Variants in ERCC6 observed in about 807,000 individuals in gnomAD.
ERCC6 encodes ERCC excision repair 6, chromatin remodeling factor, also known as DNA excision repair protein ERCC-6.
In ERCC6, 116 loss-of-function variants were observed where a neutral mutation model predicts 158.7. The observed-to-expected ratio is 0.73, with a 90% CI of 0.63 to 0.85. ERCC6 has a LOEUF of 0.85. ERCC6 is among the 40% of genes least tolerant of loss of function. The probability of loss-of-function intolerance (pLI) is 0.00; values close to 1 mark genes in which losing one functional copy is unlikely to be tolerated. For synonymous variants in ERCC6, 678 were observed against 659.3 expected (o/e 1.03, Z -0.43); for missense variants, 1,698 against 1,799.4 (o/e 0.94, Z 1.02).
chr10:49,467,292 G>A (rs952162232), intron 18 of ERCC6, among the ~76,000 whole-genome samples: 1 of 152,182 alleles, frequency 6.6e-6, no homozygotes, highest in Non-Finnish European at 1.5e-5. Context: ...GCATGCAACT[G>A]CCAAACTGTT....
At chr10:49,442,097 A>G in the ERCC6 span, among the ~76,000 whole-genome samples, 8 of 152,250 alleles carry the variant, frequency 5.3e-5, no homozygotes, top group South Asian at 1.7e-3. Flanking sequence ...TTTTAGGAAA[A>G]CCAAGCTGAA....
At chr10:49,483,283 A>G in intron 9 of ERCC6, 63 bp downstream of exon 9, 2 of 1,494,188 alleles carry the variant, frequency 1.3e-6, no homozygotes, top group South Asian at 1.1e-5. Flanking sequence ...AAAAGCAGAT[A>G]GTTTATTCTG....
Position 49,458,365 on chromosome 10 carries a change from T to C in ERCC6, c.*450A>G, listed in dbSNP as rs1850517304. 1.2e-5 allele frequency: 2 copies of C among 160,766 alleles called. No individual in the cohort carries two copies. 10.0% of individuals were successfully genotyped at this position (160,766 alleles called of 1,614,324 possible). The stretch of plus-strand genomic sequence containing the variant: ...ATGGTAAATATAAATGTTTAAAGTT[T>C]AAGCATCAAAATAATGCTGTTATCA... On this transcript the variant is annotated 3_prime_UTR_variant, in exon 21 of 21. Coordinates refer to ENST00000355832, the MANE Select transcript of ERCC6 (RefSeq NM_000124.4).
chr10:49,524,550 C>T lies in ERCC6; in HGVS notation c.880G>A (p.Ala294Thr), dbSNP rs1251327294. The T allele has an allele frequency of 6.2e-7, 1 of 1,614,210 alleles. No individual in the cohort carries two copies. The highest frequency in any genetic ancestry group is 1.7e-5 in the Admixed American group (1 of 60,020). ...ERKKQGCNKR[A>T]ARKAPAPVTP... ...ACTGGGGCTGGAGCTTTTCTAGCTG[C>T]TCTTTTATTACAACCTTGCTTCTTC... Residue 294 changes from alanine to threonine, a missense_variant, in exon 5 of 21, where the codon GCA (alanine) becomes ACA (threonine). Physicochemically the swap from Ala to Thr is moderately conservative, Grantham distance 58. Coordinates refer to ENST00000355832, the MANE Select transcript of ERCC6 (RefSeq NM_000124.4).
In ERCC6 at chr10:49,470,386, C is replaced by T; in HGVS notation, c.3574G>A (p.Glu1192Lys). The part of the protein sequence containing the change: ...KSKTKHHSVA[E>K]EETLEKHLRP... ...AGATGTTTCTCCAGGGTCTCTTCTT[C>T]TGCCACACTATGATGTTTTGTTTTT... Residue 1192 changes from glutamate (E) to lysine (K), a missense_variant, in exon 18 of 21, where the codon GAA becomes AAA. Coordinates refer to ENST00000355832, the MANE Select transcript of ERCC6 (RefSeq NM_000124.4). 6.2e-7 allele frequency: 1 copy of T among 1,614,184 alleles called. No homozygotes were observed. Among genetic ancestry groups the T allele is most frequent in the Non-Finnish European group, 8.5e-7 (1 of 1,180,028 alleles).
chr10:49,472,243 C>G, intron 16 of ERCC6, 133 bp downstream of exon 16: 2 of 862,470 alleles, frequency 2.3e-6, no homozygotes, highest in Non-Finnish European at 3.9e-6. Flanking sequence ...AAATACAAAA[C>G]AAAAACCAAA....
intron 17 of ERCC6, 25 bp downstream of exon 17, chr10:49,470,950 T>A (rs368619474): frequency 5.6e-6 from 9 of 1,613,656 alleles, no homozygotes; most frequent in Non-Finnish European, 6.8e-6. Context: ...TTGATTACTT[T>A]AAATTAAATG....
At chr10:49,460,093 G>C (rs1243769529) in intron 20 of ERCC6, 2 of 492,594 alleles carry the variant, frequency 4.1e-6, no homozygotes, top group Non-Finnish European at 7.4e-6. Flanking sequence ...AGACAAGGCA[G>C]GCTGTCCTAG....
At chr10:49,465,326 T>C (rs1458873427) in intron 18 of ERCC6, among the ~76,000 whole-genome samples, 1 of 152,226 alleles carries the variant, frequency 6.6e-6, no homozygotes, top group Non-Finnish European at 1.5e-5. Flanking sequence ...ACCCAATGCC[T>C]GTAACCCTAT....
chr10:49,462,445 G>A (rs1564726285), intron 18 of ERCC6, among the ~76,000 whole-genome samples: 1 of 152,054 alleles, frequency 6.6e-6, no homozygotes, highest in Admixed American at 6.5e-5. Flanking sequence ...TGATCTATAT[G>A]TAGAAAAGGC....
rs1850579495 is a variant in ERCC6 at position 49,461,396 on chromosome 10, G to A, written c.3939C>T (p.Thr1313=). The part of the protein sequence containing the change: ...RCLGAVSGVP[T]WTGHRGISGA... ...CAGAAATCCCCCTGTGGCCAGTCCA[G>A]GTGGGAACACCAGACACTGCTCCCA... Residue 1313 remains threonine, a synonymous_variant, in exon 19 of 21, where the codon ACC becomes ACT. Transcript: ENST00000355832. 5.0e-6 allele frequency: 8 copies of A among 1,613,950 alleles called. No homozygotes were observed. In the East Asian group the frequency reaches 1.8e-4, roughly 36 times the overall value.
downstream of ERCC6, among the ~76,000 whole-genome samples, chr10:49,454,047 C>G (rs1243891764): frequency 6.6e-6 from 1 of 152,178 alleles, no homozygotes; most frequent in East Asian, 1.9e-4. Flanking sequence ...TTTCCTTTTT[C>G]TTCTGCTCTT....
At chr10:49,534,330 T>C (rs1242047848) in intron 1 of ERCC6, among the ~76,000 whole-genome samples, 1 of 152,198 alleles carries the variant, frequency 6.6e-6, no homozygotes. Flanking sequence ...GCAATATCTA[T>C]TAAATTAAAG....
Position 49,532,554 on chromosome 10 carries a change from CA to C in ERCC6, c.410del (p.Leu137ArgfsTer11). On this transcript the variant is annotated frameshift_variant, in exon 2 of 21. Coordinates refer to ENST00000355832, the MANE Select transcript of ERCC6 (RefSeq NM_000124.4). LOFTEE classifies it high-confidence loss of function. ...VDVEKEYRSV[L>X]DDLTSCTTSL... ...TGGGCTGCACTCACGTGAGGTCATCCAGGACCGACCGATACTCCTTCTCCAC... is the reference window on the plus strand; with the variant it reads ...TGGGCTGCACTCACGTGAGGTCATCCGGACCGACCGATACTCCTTCTCCAC... 1 of 1,613,936 alleles carries C rather than the reference CA, an allele frequency of 6.2e-7. No homozygotes were observed. The highest frequency in any genetic ancestry group is 8.5e-7 in the Non-Finnish European group (1 of 1,180,030).
At chr10:49,530,954 A>C (rs1292677662) in intron 2 of ERCC6, 114 bp from the exon 3 acceptor site, 2 of 1,437,926 alleles carry the variant, frequency 1.4e-6, no homozygotes, top group East Asian at 2.6e-5. Context: ...CTAAAAGATA[A>C]AGGAAACTAA....
In ERCC6 at chr10:49,473,125, C is replaced by A. The variant is rs1311455829; in HGVS notation, c.2710-97G>T. 4.5e-6 allele frequency: 7 copies of A among 1,545,124 alleles called. No individual in the cohort carries two copies. The African/African-American group carries it at 9.5e-5, about 21-fold the overall frequency. On this transcript the variant is annotated intron_variant, in intron 14 of 20. Transcript: ENST00000355832. Reference sequence around the variant, plus strand: ...ATATTGTACACATGGAATTACTGGGCTGTTCCCAATATAAGGAATGGTAAT... The same window carrying A: ...ATATTGTACACATGGAATTACTGGGATGTTCCCAATATAAGGAATGGTAAT...
intron 19 of ERCC6, 124 bp from the exon 20 acceptor site, chr10:49,460,575 G>T: frequency 1.3e-6 from 1 of 741,172 alleles, no homozygotes; most frequent in Non-Finnish European, 2.4e-6. Flanking sequence ...TTCTTTCACA[G>T]CCATGCCATT....
At position 49,524,208 on chromosome 10, in the gene ERCC6, G is replaced by C; in HGVS notation, c.1222C>G (p.Pro408Ala). 1.9e-6 allele frequency: 3 copies of C among 1,614,022 alleles called. No individual in the cohort carries two copies. Among genetic ancestry groups the C allele is most frequent in the Admixed American group, 1.7e-5 (1 of 60,020 alleles). ...TTCTTCTGCCGTTTCCCGCCCTTGG[G>C]CAGAGGCTTCAGCTCATAGTCAGTA... is the stretch of plus-strand genomic sequence containing the variant. The part of the protein sequence containing the change: ...DGTDYELKPL[P>A]KGGKRQKKVP... The change falls in exon 5 of 21, where the codon CCC becomes GCC. Residue 408 changes from proline to alanine, a missense_variant. By Grantham distance (27) the Pro-to-Ala change is conservative. Coordinates refer to ENST00000355832, the MANE Select transcript of ERCC6 (RefSeq NM_000124.4).
chr10:49,479,034 G>A lies in ERCC6; in HGVS notation c.2170-564C>T, dbSNP rs1413633607. On this transcript the variant is annotated intron_variant, in intron 10 of 20. Transcript: ENST00000355832. Reference sequence around the variant, plus strand: ...GAGCCCTCTGATCCCAGAAACGAAAGGTCACTCTGCCCTAAAATGCAGCAT... The same window carrying A: ...GAGCCCTCTGATCCCAGAAACGAAAAGTCACTCTGCCCTAAAATGCAGCAT... 2.0e-5 allele frequency among the ~76,000 whole-genome samples: 3 copies of A among 151,970 alleles called. No individual in the cohort carries two copies. In the East Asian group the frequency reaches 5.8e-4, roughly 29 times the overall value.
Sources: gnomAD v4.1 joint callset for allele counts (sites outside exome capture counted in the v4.1 genomes callset) on GRCh38, gnomAD v4.1.1 for gene constraint, MANE v1.5 for transcripts, NCBI Gene and HGNC (gene_info 2026-07-23, HGNC 2026-07-21) for gene names.